MICU2: variants seen among roughly 807,000 people sequenced by gnomAD.
MICU2 encodes calcium uptake protein 2, mitochondrial.
Under a neutral mutation model 60.4 loss-of-function variants are expected in MICU2, and 64 were observed. The observed-to-expected ratio is 1.06, with a 90% CI of 0.87 to 1.31. MICU2 has a LOEUF of 1.31. Ranked by LOEUF, MICU2 falls within the 50% of genes most tolerant of loss-of-function variation. The pLI, the probability that MICU2 is intolerant of heterozygous loss-of-function variation, is 0.00. For missense variants in MICU2, 569 were observed against 531.0 expected (o/e 1.07, Z -0.70); for synonymous variants, 201 against 175.0 (o/e 1.15, Z -1.17).
intron 1 of MICU2, among the ~76,000 whole-genome samples, chr13:21,599,565 G>T (rs1888769469): frequency 1.3e-5 from 2 of 152,196 alleles, no homozygotes; most frequent in African/African-American, 4.8e-5. Flanking sequence ...CTTTGTAGGA[G>T]GCACTATTTT....
intron 1 of MICU2, among the ~76,000 whole-genome samples, chr13:21,589,748 C>T (rs1310017740): frequency 2.6e-5 from 4 of 151,732 alleles, no homozygotes; most frequent in African/African-American, 9.7e-5. Context: ...ATCACCTGTT[C>T]TGTCATAACC....
intron 1 of MICU2, among the ~76,000 whole-genome samples, chr13:21,577,428 A>C (rs1200162010): frequency 6.6e-6 from 1 of 151,768 alleles, no homozygotes; most frequent in Non-Finnish European, 1.5e-5. Context: ...GCTGAGGGAA[A>C]AGGATCACTT....
At chr13:21,519,099 G>C (rs1011343337) in intron 6 of MICU2, among the ~76,000 whole-genome samples, 2 of 152,072 alleles carry the variant, frequency 1.3e-5, no homozygotes, top group African/African-American at 4.8e-5. Flanking sequence ...TTTTGAGACA[G>C]AGTTTCGCTT....
At chr13:21,524,134 G>A (rs569743523) in intron 4 of MICU2, among the ~76,000 whole-genome samples, 30 of 151,940 alleles carry the variant, frequency 2.0e-4, no homozygotes, top group South Asian at 6.2e-4. Flanking sequence ...TGTTCCCTCC[G>A]GATCAAAAGA....
chr13:21,496,748 C>CT (rs1274571863), intron 9 of MICU2: 1 of 152,244 alleles, frequency 6.6e-6, no homozygotes, highest in Non-Finnish European at 1.5e-5. Context: ...ACTTCAAAAT[C>CT]TGAGCACTTA....
chr13:21,542,586 A>G (rs1887310863), intron 2 of MICU2, among the ~76,000 whole-genome samples: 1 of 152,212 alleles, frequency 6.6e-6, no homozygotes. Flanking sequence ...AACAGGAAAA[A>G]AGATCTAGAA....
In MICU2 at chr13:21,493,033, C is replaced by T. The variant is rs1204780085; in HGVS notation, c.*216G>A. Reference sequence around the variant, plus strand: ...CGAAGTACAAAACATTATTTCAAATCTAGGCCTTCTGACAGAATCCAATAT... The same window carrying T: ...CGAAGTACAAAACATTATTTCAAATTTAGGCCTTCTGACAGAATCCAATAT... On this transcript the variant is annotated 3_prime_UTR_variant, in exon 12 of 12. Transcript: ENST00000382374. 3.0e-6 allele frequency: 1 copy of T among 337,584 alleles called. No individual in the cohort carries two copies. The highest frequency in any genetic ancestry group is 5.3e-6 in the Non-Finnish European group (1 of 187,418). The allele number at this position is 337,584 out of a possible 1,614,324, so 20.9% of individuals were successfully genotyped here.
intron 1 of MICU2, among the ~76,000 whole-genome samples, chr13:21,587,283 A>G (rs1378281082): frequency 2.0e-5 from 3 of 152,246 alleles, no homozygotes; most frequent in Admixed American, 2.0e-4. Flanking sequence ...ACAAAGCCCT[A>G]TGAAGCCACA....
rs770505964 is a variant in MICU2 at position 21,502,891 on chromosome 13, T to C, written c.933+35A>G. 19 of 1,558,256 alleles carry C rather than the reference T, an allele frequency of 1.2e-5. 1 individual carries two copies. Among genetic ancestry groups the C allele is most frequent in the Non-Finnish European group, 1.7e-5 (19 of 1,146,892 alleles). On this transcript the variant is annotated intron_variant, in intron 9 of 11. Coordinates refer to ENST00000382374, the MANE Select transcript of MICU2 (RefSeq NM_152726.3). The stretch of plus-strand genomic sequence containing the variant: ...TAAACATGTCTAACTTATTATTTCA[T>C]CTTTATCACATGCATAATAAAAGGG...
chr13:21,551,331 C>G (rs148609243), intron 2 of MICU2: 14 of 152,474 alleles, frequency 9.2e-5, no homozygotes, highest in African/African-American at 3.1e-4. Flanking sequence ...CACGAATTTA[C>G]GTGTCATCCT....
chr13:21,581,362 C>T (rs1465831037), intron 1 of MICU2, among the ~76,000 whole-genome samples: 1 of 152,158 alleles, frequency 6.6e-6, no homozygotes, highest in Non-Finnish European at 1.5e-5. Flanking sequence ...AAGTGATCCA[C>T]CCACTTTGGC....
intron 4 of MICU2, among the ~76,000 whole-genome samples, chr13:21,533,320 C>T (rs1183630463): frequency 2.8e-5 from 4 of 144,754 alleles, no homozygotes; most frequent in Non-Finnish European, 6.0e-5. Context: ...AGTAAGGCAG[C>T]GCAATTTTTT....
At position 21,514,423 on chromosome 13, in the gene MICU2, A is replaced by G. The variant is rs751201231; in HGVS notation, c.598-5T>C. 6.2e-7 allele frequency: 1 copy of G among 1,611,950 alleles called. No individual in the cohort carries two copies. Among genetic ancestry groups the G allele is most frequent in the Non-Finnish European group, 8.5e-7 (1 of 1,178,910 alleles). ...TTTACTTATGATCTTCTGCAGCTAA[A>G]AAGATTACAAACATGAGTTTACATG... On this transcript the variant is annotated splice_polypyrimidine_tract_variant and splice_region_variant and intron_variant, in intron 6 of 11. Transcript: ENST00000382374.
chr13:21,499,178 C>T (rs563667913), intron 9 of MICU2, among the ~76,000 whole-genome samples: 160 of 151,702 alleles, frequency 1.1e-3, no homozygotes, highest in South Asian at 2.1e-3. Context: ...CTCAAACTCC[C>T]GGCCTCAGGT....
At position 21,517,799 on chromosome 13, in the gene MICU2, A is replaced by ACACACACG. The variant is rs1244489287; in HGVS notation, c.598-3382_598-3381insCGTGTGTG. The stretch of plus-strand genomic sequence containing the variant: ...CACACACACACACACACACACACAC[A>ACACACACG]CGCGCGCGCGCGCGCACACGCGCTA... On this transcript the variant is annotated intron_variant, in intron 6 of 11. Transcript: ENST00000382374. 2.7e-3 allele frequency among the ~76,000 whole-genome samples: 366 copies of ACACACACG among 136,390 alleles called. 5 individuals carry two copies. The highest frequency in any genetic ancestry group is 0.011 in the African/African-American group (354 of 32,454). 89.5% of individuals were successfully genotyped at this position (136,390 alleles called of 152,430 possible). A position where few individuals can be genotyped will look rare whatever the true frequency, so the allele number is the denominator to read the frequency against.
At chr13:21,597,963 C>T (rs192926595) in intron 1 of MICU2, among the ~76,000 whole-genome samples, 5 of 142,756 alleles carry the variant, frequency 3.5e-5, no homozygotes, top group African/African-American at 7.8e-5. Context: ...TTTCAAAGAG[C>T]GATAAGTACT....
intron 2 of MICU2, among the ~76,000 whole-genome samples, chr13:21,558,388 A>G (rs1196302391): frequency 6.6e-6 from 1 of 152,088 alleles, no homozygotes; most frequent in African/African-American, 2.4e-5. Flanking sequence ...TGACCCCAGG[A>G]GGGCTCCTTA....
intron 7 of MICU2, 27 bp from the exon 8 acceptor site, chr13:21,510,128 A>G: frequency 1.8e-6 from 2 of 1,100,892 alleles, no homozygotes; most frequent in Non-Finnish European, 2.5e-6. Flanking sequence ...AATAATTTAA[A>G]ATAATTATAA....
At chr13:21,534,953 T>C (rs1887097146) in intron 4 of MICU2, among the ~76,000 whole-genome samples, 2 of 152,132 alleles carry the variant, frequency 1.3e-5, no homozygotes, top group African/African-American at 4.8e-5. Flanking sequence ...GGTAATTCCA[T>C]ATAAAGGTCA....
Sources: gnomAD v4.1 joint callset for allele counts (sites outside exome capture counted in the v4.1 genomes callset) on GRCh38, gnomAD v4.1.1 for gene constraint, MANE v1.5 for transcripts, NCBI Gene and HGNC (gene_info 2026-07-23, HGNC 2026-07-21) for gene names.